CNIH3: variants seen among roughly 807,000 people sequenced by gnomAD.
CNIH3 encodes the protein cornichon family AMPA receptor auxiliary protein 3, also known as protein cornichon homolog 3.
CNIH3 carries 14 observed loss-of-function variants against 24.1 expected under a neutral mutation model. The ratio of observed to expected loss-of-function variants is 0.58; its 90% CI spans 0.38 to 0.91. The LOEUF (loss-of-function observed/expected upper bound fraction) is 0.91, where lower values mean the gene tolerates loss of function less well. Ranked by LOEUF, CNIH3 falls within the 40% of genes least tolerant of loss-of-function variation. The pLI is 0.00. For missense variants in CNIH3, 178 were observed against 196.8 expected (o/e 0.90, Z 0.57); for synonymous variants, 68 against 73.8 (o/e 0.92, Z 0.40).
intron 1 of CNIH3, among the ~76,000 whole-genome samples, chr1:224,449,855 T>A (rs1370550020): frequency 6.6e-6 from 1 of 152,182 alleles, no homozygotes; most frequent in Non-Finnish European, 1.5e-5. Flanking sequence ...GTGGCTCCAG[T>A]CACACCAGAC....
chr1:224,681,055 G>T (rs1164521333), intron 2 of CNIH3, 29 bp downstream of exon 2: 1 of 1,587,186 alleles, frequency 6.3e-7, no homozygotes, highest in Non-Finnish European at 8.7e-7. Context: ...TGAGGGGAAG[G>T]TGCTATCACC....
At chr1:224,471,781 G>A (rs767821826) in intron 1 of CNIH3, among the ~76,000 whole-genome samples, 8 of 151,778 alleles carry the variant, frequency 5.3e-5, no homozygotes, top group African/African-American at 1.7e-4. Context: ...TAGTAGAGAC[G>A]GGCTTTCACC....
intron 5 of CNIH3, among the ~76,000 whole-genome samples, chr1:224,584,426 G>T (rs1231217788): frequency 1.3e-5 from 2 of 152,176 alleles, no homozygotes; most frequent in African/African-American, 4.8e-5. Context: ...TTTAAGTTTT[G>T]TTTGGGGGCT....
At chr1:224,440,942 G>C (rs7514575) in intron 1 of CNIH3, among the ~76,000 whole-genome samples, 2 of 151,358 alleles carry the variant, frequency 1.3e-5, no homozygotes, top group Non-Finnish European at 2.9e-5. Context: ...TCAGCCTCCC[G>C]AGTAGCTGGG....
At chr1:224,675,550 C>T (rs1362275946) in intron 1 of CNIH3, among the ~76,000 whole-genome samples, 1 of 152,104 alleles carries the variant, frequency 6.6e-6, no homozygotes, top group African/African-American at 2.4e-5. Flanking sequence ...GCATAGAAGA[C>T]AATATTTGCA....
chr1:224,589,108 C>T (rs186692707), downstream of CNIH3, among the ~76,000 whole-genome samples: 6 of 151,644 alleles, frequency 4.0e-5, no homozygotes, highest in African/African-American at 9.7e-5. Context: ...GTTAAGAAAA[C>T]CTGCAATGCG....
chr1:224,647,519 G>T (rs1451848298), intron 1 of CNIH3, among the ~76,000 whole-genome samples: 2 of 152,220 alleles, frequency 1.3e-5, no homozygotes, highest in African/African-American at 4.8e-5. Flanking sequence ...CTCACTGCCA[G>T]GGACTGGGTT....
intron 3 of CNIH3, among the ~76,000 whole-genome samples, chr1:224,685,619 A>G (rs1414577959): frequency 6.6e-6 from 1 of 152,232 alleles, no homozygotes; most frequent in East Asian, 1.9e-4. Context: ...CTGTCAGCCC[A>G]AAAGGATTTT....
At chr1:224,575,441 C>CT in intron 4 of CNIH3, 1 of 835,450 alleles carries the variant, frequency 1.2e-6, no homozygotes, top group Non-Finnish European at 1.9e-6. Flanking sequence ...TTTTCTGTCT[C>CT]ATTTTTTTTT....
At chr1:224,454,856 T>C (rs1675580736) in intron 1 of CNIH3, among the ~76,000 whole-genome samples, 1 of 148,688 alleles carries the variant, frequency 6.7e-6, no homozygotes, top group Admixed American at 6.7e-5. Context: ...TAGGATACCA[T>C]ACACATGGCA....
chr1:224,452,564 A>G (rs542218468), intron 1 of CNIH3, among the ~76,000 whole-genome samples: 3,202 of 148,562 alleles, frequency 0.022, 45 homozygotes, highest in Non-Finnish European at 0.029. Context: ...GGCGGATCAC[A>G]AGGTCAGGAG....
chr1:224,631,163 A>AAAC lies in CNIH3; in HGVS notation c.81+13926_81+13928dup, dbSNP rs199567330. ...GGGCGACAGAGTGAGACTCCACCTC[A>AAAC]AACAACAACAACAACAACAAAACCA... On this transcript the variant is annotated intron_variant, in intron 1 of 5. Transcript: ENST00000272133. Among the ~76,000 whole-genome samples the AAAC allele has an allele frequency of 4.4e-3, 676 of 152,102 alleles. 17 individuals carry two copies. Among genetic ancestry groups the AAAC allele is most frequent in the Admixed American group, 0.04 (612 of 15,274 alleles).
intron 1 of CNIH3, among the ~76,000 whole-genome samples, chr1:224,489,580 T>A (rs1168825489): frequency 6.6e-6 from 1 of 152,246 alleles, no homozygotes; most frequent in African/African-American, 2.4e-5. Context: ...TGCTCTTTTG[T>A]GACTTTAGAA....
At chr1:224,466,347 T>A (rs1426479060) in intron 1 of CNIH3, among the ~76,000 whole-genome samples, 4 of 152,254 alleles carry the variant, frequency 2.6e-5, no homozygotes, top group African/African-American at 9.6e-5. Context: ...GAATCACTTA[T>A]GTAGTGTCAT....
intron 1 of CNIH3, among the ~76,000 whole-genome samples, chr1:224,647,879 T>G (rs975455089): frequency 6.6e-6 from 1 of 151,940 alleles, no homozygotes; most frequent in African/African-American, 2.4e-5. Flanking sequence ...GCTGGACAGA[T>G]AGTGGCAGGT....
intron 3 of CNIH3, chr1:224,717,907 G>C (rs943626090): frequency 6.6e-6 from 1 of 152,186 alleles, no homozygotes; most frequent in African/African-American, 2.4e-5. Flanking sequence ...TTAGTTACTG[G>C]GATGGCTGTT....
At position 224,549,935 on chromosome 1, in the gene CNIH3, T is replaced by G. The variant is rs1438579611; in HGVS notation, n.450+2996T>G. On this transcript the variant is annotated intron_variant and non_coding_transcript_variant, in intron 3 of 5. Transcript: ENST00000471578. Reference sequence around the variant, plus strand: ...TGATAATGTTTCATTAATTTCACAGTGTGTAAACACTGTATGTAACCACCG... The same window carrying G: ...TGATAATGTTTCATTAATTTCACAGGGTGTAAACACTGTATGTAACCACCG... Among the ~76,000 whole-genome samples, 3 of 152,034 alleles carry G rather than the reference T, an allele frequency of 2.0e-5. No individual in the cohort carries two copies. The East Asian group carries it at 5.8e-4, about 29-fold the overall frequency.
intron 1 of CNIH3, among the ~76,000 whole-genome samples, chr1:224,457,269 CTCTCTCTGTGTGTGTGTG>C (rs1186011403): frequency 1.9e-5 from 2 of 104,628 alleles, no homozygotes; most frequent in South Asian, 2.5e-4. Flanking sequence ...GCCCTCCTCT[CTCTCTCTGTGTGTGTGTG>C]TGTGTGTGTG....
chr1:224,701,858 A>T (rs1187384533), intron 3 of CNIH3, among the ~76,000 whole-genome samples: 1 of 152,188 alleles, frequency 6.6e-6, no homozygotes, highest in East Asian at 1.9e-4. Context: ...TCCTTGGAGC[A>T]TGCTATTTCA....
Sources: allele counts gnomAD v4.1 joint callset (sites outside exome capture counted in the v4.1 genomes callset), GRCh38; gene constraint gnomAD v4.1.1; transcripts MANE v1.5; gene names NCBI Gene and HGNC (gene_info 2026-07-23, HGNC 2026-07-21).